The following COX10 variants were observed in gnomAD, a reference collection of about 807,000 sequenced individuals.
COX10 encodes cytochrome c oxidase assembly factor heme A:farnesyltransferase COX10, also known as protoheme IX farnesyltransferase, mitochondrial.
Under a neutral mutation model 37.3 loss-of-function variants are expected in COX10, and 27 were observed. That is an observed-to-expected ratio of 0.72 (90% CI 0.53 to 1.00). The LOEUF (loss-of-function observed/expected upper bound fraction) is 1.00. COX10 is among the 50% of genes least tolerant of loss of function. The pLI is 0.00. For synonymous variants in COX10, 222 were observed against 229.1 expected, an observed-to-expected ratio of 0.97 and a Z score of 0.28; for missense variants, 475 against 563.2, an observed-to-expected ratio of 0.84 and a Z score of 1.59.
At chr17:14,098,565 C>T (rs1436805675) in intron 3 of COX10, among the ~76,000 whole-genome samples, 1 of 152,078 alleles carries the variant, frequency 6.6e-6, no homozygotes, top group East Asian at 1.9e-4. Context: ...AAGATGGGTG[C>T]TATTTGAGTA....
At chr17:14,105,778 T>G (rs1354097343) in intron 4 of COX10, among the ~76,000 whole-genome samples, 1 of 152,136 alleles carries the variant, frequency 6.6e-6, no homozygotes. Flanking sequence ...TATCTTGCTT[T>G]TGTAGTGCCT....
intron 4 of COX10, among the ~76,000 whole-genome samples, chr17:14,108,419 C>A (rs759048861): frequency 6.6e-6 from 1 of 152,074 alleles, no homozygotes; most frequent in Admixed American, 6.6e-5. Context: ...ATGTTCTCAG[C>A]GACTTTACTT....
At chr17:14,085,152 G>A (rs1038147260) in intron 3 of COX10, among the ~76,000 whole-genome samples, 4 of 151,882 alleles carry the variant, frequency 2.6e-5, no homozygotes, top group African/African-American at 9.7e-5. Context: ...TGTAAAATGG[G>A]GATAATCCTC....
chr17:14,129,511 TC>T (rs1916417532), intron 4 of COX10, among the ~76,000 whole-genome samples: 1 of 152,338 alleles, frequency 6.6e-6, no homozygotes, highest in African/African-American at 2.4e-5. Flanking sequence ...TCTTTTGTAA[TC>T]TTTACCAGGA....
At chr17:14,102,089 A>C (rs1368086982) in intron 3 of COX10, 29 bp from the exon 4 acceptor site, 1 of 1,613,178 alleles carries the variant, frequency 6.2e-7, no homozygotes. Flanking sequence ...TGTTGGTAAC[A>C]GTGTGTCTGC....
At chr17:14,119,557 T>C (rs1463266183) in intron 4 of COX10, among the ~76,000 whole-genome samples, 2 of 152,200 alleles carry the variant, frequency 1.3e-5, no homozygotes, top group African/African-American at 4.8e-5. Flanking sequence ...TAGTGGGAGC[T>C]GCAAACTGAG....
intron 5 of COX10, chr17:14,181,956 T>C (rs2142256476): frequency 1.0e-6 from 1 of 984,144 alleles, no homozygotes; most frequent in African/African-American, 1.7e-5. Flanking sequence ...ATAAGAAGGC[T>C]GAATCTCAGT....
chr17:14,143,929 C>T (rs146059157), intron 4 of COX10, among the ~76,000 whole-genome samples: 1 of 152,260 alleles, frequency 6.6e-6, no homozygotes, highest in East Asian at 1.9e-4. Flanking sequence ...TTTGTGCCCA[C>T]AAGCGTACAG....
At chr17:14,097,024 T>A (rs1388622448) in intron 3 of COX10, among the ~76,000 whole-genome samples, 1 of 152,164 alleles carries the variant, frequency 6.6e-6, no homozygotes, top group Non-Finnish European at 1.5e-5. Flanking sequence ...AACATTGATT[T>A]TATGTTTATT....
At chr17:14,076,629 A>T (rs1333613071) in intron 2 of COX10, 106 bp from the exon 3 acceptor site, 4 of 1,054,162 alleles carry the variant, frequency 3.8e-6, no homozygotes, top group Non-Finnish European at 5.7e-6. Flanking sequence ...CTGTGGGAAA[A>T]GCTTTCAAAT....
Position 14,206,901 on chromosome 17 carries a change from C to A in COX10, c.1020C>A (p.Gly340=), listed in dbSNP as rs748558886. 6.2e-7 allele frequency: 1 copy of A among 1,613,886 alleles called. No individual in the cohort carries two copies. Among genetic ancestry groups the A allele is most frequent in the South Asian group, 1.1e-5 (1 of 91,084 alleles). ...SWGLREDYSR[G]GYCMMSVTHP... is the part of the protein sequence containing the mutation. Reference sequence around the variant, plus strand: ...GCCTCCGTGAAGACTACTCCCGGGGCGGCTACTGCATGATGTCGGTCACCC... The same window carrying A: ...GCCTCCGTGAAGACTACTCCCGGGGAGGCTACTGCATGATGTCGGTCACCC... Residue 340 remains glycine (G), a synonymous_variant, in exon 7 of 7, where the codon GGC becomes GGA. Transcript: ENST00000261643.
At chr17:14,164,105 A>G (rs1215837264) in intron 5 of COX10, among the ~76,000 whole-genome samples, 2 of 152,194 alleles carry the variant, frequency 1.3e-5, no homozygotes, top group African/African-American at 2.4e-5. Flanking sequence ...TCCTTTTTAT[A>G]TATCTGTGTT....
intron 4 of COX10, among the ~76,000 whole-genome samples, chr17:14,111,807 T>G (rs1336077130): frequency 6.6e-6 from 1 of 152,234 alleles, no homozygotes; most frequent in East Asian, 1.9e-4. Flanking sequence ...TATAATTTCC[T>G]TAAACAGCTA....
chr17:14,138,445 T>A (rs1444550387), intron 4 of COX10, among the ~76,000 whole-genome samples: 1 of 152,170 alleles, frequency 6.6e-6, no homozygotes, highest in African/African-American at 2.4e-5. Flanking sequence ...AAAATCATTT[T>A]AAATGTTTTC....
At chr17:14,103,115 T>C (rs941899813) in intron 4 of COX10, among the ~76,000 whole-genome samples, 2 of 152,156 alleles carry the variant, frequency 1.3e-5, no homozygotes, top group African/African-American at 4.8e-5. Context: ...TTTGTTGTTG[T>C]TGTTATTTTG....
chr17:14,097,004 C>G (rs973023338), intron 3 of COX10, among the ~76,000 whole-genome samples: 1 of 152,060 alleles, frequency 6.6e-6, no homozygotes, highest in African/African-American at 2.4e-5. Context: ...ATGGGTCATG[C>G]TTCATTGGCA....
intron 5 of COX10, among the ~76,000 whole-genome samples, chr17:14,167,785 G>T (rs988685755): frequency 6.6e-6 from 1 of 152,178 alleles, no homozygotes; most frequent in Non-Finnish European, 1.5e-5. Flanking sequence ...AACCACACCC[G>T]TGATCCAACC....
At chr17:14,101,755 G>T (rs1017077) in intron 3 of COX10, among the ~76,000 whole-genome samples, 19,065 of 152,166 alleles carry the variant, frequency 0.13, 1,302 homozygotes, top group South Asian at 0.17. Flanking sequence ...TTTCAAATTA[G>T]TCAAGAGCAA....
At chr17:14,105,681 G>A (rs912437089) in intron 4 of COX10, among the ~76,000 whole-genome samples, 14 of 152,020 alleles carry the variant, frequency 9.2e-5, no homozygotes, top group South Asian at 4.1e-4. Flanking sequence ...ATATAGATAA[G>A]CAAAAATAAC....
Sources: gnomAD v4.1 joint callset for allele counts (sites outside exome capture counted in the v4.1 genomes callset) on GRCh38, gnomAD v4.1.1 for gene constraint, MANE v1.5 for transcripts, NCBI Gene and HGNC (gene_info 2026-07-23, HGNC 2026-07-21) for gene names.